Variants in TGFBR3 observed in about 807,000 individuals in gnomAD.
The protein encoded by TGFBR3 is transforming growth factor beta receptor type 3.
TGFBR3 carries 46 observed loss-of-function variants against 87.9 expected under a neutral mutation model. The observed-to-expected ratio is 0.52, with a 90% CI of 0.41 to 0.67. The LOEUF (loss-of-function observed/expected upper bound fraction) is 0.67, where lower values mean the gene tolerates loss of function less well. TGFBR3 is among the 30% of genes least tolerant of loss of function. The pLI, the probability that TGFBR3 is intolerant of heterozygous loss-of-function variation, is 0.00. For missense variants in TGFBR3, 866 were observed against 1,041.9 expected (o/e 0.83, Z 2.32); for synonymous variants, 381 against 391.6 (o/e 0.97, Z 0.32).
At chr1:91,714,400 C>G (rs1672088216) in intron 12 of TGFBR3, among the ~76,000 whole-genome samples, 1 of 152,106 alleles carries the variant, frequency 6.6e-6, no homozygotes, top group South Asian at 2.1e-4. Context: ...CATTATGTGA[C>G]CAACAGTCAC....
At chr1:91,685,040 C>T (rs1414350300) in intron 16 of TGFBR3, among the ~76,000 whole-genome samples, 2 of 152,170 alleles carry the variant, frequency 1.3e-5, no homozygotes, top group African/African-American at 2.4e-5. Context: ...CCATTACTTC[C>T]ATTCTCTTTC....
chr1:91,716,715 G>T lies in TGFBR3; in HGVS notation c.1567-7C>A. The T allele has an allele frequency of 6.2e-7, 1 of 1,614,004 alleles. No individual in the cohort carries two copies. The highest frequency in any genetic ancestry group is 8.5e-7 in the Non-Finnish European group (1 of 1,180,016). ...CTGGAACCTGTATCACAATCTAAAA[G>T]GCAAAGAAAGCACAGCCAATGTTAT... On this transcript the variant is annotated splice_polypyrimidine_tract_variant and splice_region_variant and intron_variant, in intron 10 of 16. Transcript: ENST00000212355.
intron 2 of TGFBR3, among the ~76,000 whole-genome samples, chr1:91,799,085 G>T (rs928379920): frequency 5.9e-5 from 9 of 152,112 alleles, no homozygotes; most frequent in Non-Finnish European, 1.3e-4. Context: ...AGGCCTGAAT[G>T]TACTCCAGTT....
intron 2 of TGFBR3, among the ~76,000 whole-genome samples, chr1:91,809,967 T>C (rs1030818181): frequency 1.3e-5 from 2 of 152,174 alleles, no homozygotes; most frequent in Non-Finnish European, 2.9e-5. Flanking sequence ...CATCAAGCAG[T>C]GCCATCAACA....
intron 13 of TGFBR3, among the ~76,000 whole-genome samples, chr1:91,710,474 C>A (rs960402473): frequency 6.6e-6 from 1 of 152,178 alleles, no homozygotes; most frequent in Non-Finnish European, 1.5e-5. Context: ...CTGGGCAAGA[C>A]ACTCTGCTCT....
At chr1:91,770,532 T>C (rs1674341799) in intron 3 of TGFBR3, among the ~76,000 whole-genome samples, 1 of 152,200 alleles carries the variant, frequency 6.6e-6, no homozygotes, top group African/African-American at 2.4e-5. Context: ...CTTCAATATT[T>C]ATTAGTATGA....
chr1:91,793,776 A>G (rs1409916556), intron 3 of TGFBR3, among the ~76,000 whole-genome samples: 1 of 145,160 alleles, frequency 6.9e-6, no homozygotes, highest in Non-Finnish European at 1.5e-5. Flanking sequence ...ACTGTGCTCC[A>G]GCCTGGGTGA....
chr1:91,780,106 C>T (rs1674709077), intron 3 of TGFBR3, among the ~76,000 whole-genome samples: 1 of 152,184 alleles, frequency 6.6e-6, no homozygotes. Flanking sequence ...GGATAATCCT[C>T]CATCTCACAA....
chr1:91,720,237 AAAG>A lies in TGFBR3; in HGVS notation c.1076-10_1076-8del, dbSNP rs565379527. 1.2e-3 allele frequency: 1,859 copies of A among 1,576,342 alleles called. 5 individuals carry two copies. Among genetic ancestry groups the A allele is most frequent in the Admixed American group, 2.3e-3 (123 of 54,046 alleles). On this transcript the variant is annotated splice_polypyrimidine_tract_variant and splice_region_variant and intron_variant, in intron 8 of 16. Coordinates refer to ENST00000212355, the MANE Select transcript of TGFBR3 (RefSeq NM_003243.5). ...TCATCTCCCATCTCCTCTGCTGGTG[AAAG>A]AAGAAGGCAAAACATCAGCAGTGTT...
At chr1:91,871,009 C>G (rs1282293916) in intron 1 of TGFBR3, among the ~76,000 whole-genome samples, 1 of 151,670 alleles carries the variant, frequency 6.6e-6, no homozygotes, top group Admixed American at 6.6e-5. Context: ...TGCACTCCAG[C>G]CTGGGCAACA....
At chr1:91,718,073 G>A (rs1672238667) in intron 10 of TGFBR3, among the ~76,000 whole-genome samples, 1 of 152,042 alleles carries the variant, frequency 6.6e-6, no homozygotes, top group Non-Finnish European at 1.5e-5. Context: ...TTAATTATTT[G>A]AGTAACAAAA....
At chr1:91,746,348 T>C (rs745881899) in intron 4 of TGFBR3, among the ~76,000 whole-genome samples, 53 of 152,218 alleles carry the variant, frequency 3.5e-4, no homozygotes, top group Middle Eastern at 3.2e-3. Context: ...CTTTCTAATA[T>C]AGTTTTCCAA....
At chr1:91,773,130 G>A (rs1023033563) in intron 3 of TGFBR3, among the ~76,000 whole-genome samples, 20 of 152,176 alleles carry the variant, frequency 1.3e-4, no homozygotes, top group Non-Finnish European at 2.4e-4. Context: ...TGTAATCCCA[G>A]CACTCTGGGA....
chr1:91,888,865 T>C (rs1418225703), upstream of TGFBR3, among the ~76,000 whole-genome samples: 1 of 151,986 alleles, frequency 6.6e-6, no homozygotes, highest in Non-Finnish European at 1.5e-5. Flanking sequence ...CCAGCGTGGG[T>C]ACTGAATTCT....
intron 3 of TGFBR3, among the ~76,000 whole-genome samples, chr1:91,789,306 GA>G (rs972650357): frequency 2.7e-5 from 4 of 150,130 alleles, no homozygotes; most frequent in South Asian, 2.1e-4. Context: ...GACTCGTCTC[GA>G]AAAAAAAAGG....
intron 16 of TGFBR3, among the ~76,000 whole-genome samples, chr1:91,690,360 C>T (rs1671224676): frequency 6.6e-6 from 1 of 152,114 alleles, no homozygotes; most frequent in Admixed American, 6.5e-5. Flanking sequence ...ATGATCAACA[C>T]CAGGCACATT....
At chr1:91,805,469 C>T (rs935894515) in intron 2 of TGFBR3, among the ~76,000 whole-genome samples, 3 of 152,246 alleles carry the variant, frequency 2.0e-5, no homozygotes, top group Non-Finnish European at 4.4e-5. Context: ...CAGCCCCCTT[C>T]ACCCACAAGA....
At chr1:91,722,521 A>G (rs1024860072) in intron 7 of TGFBR3, among the ~76,000 whole-genome samples, 1 of 152,056 alleles carries the variant, frequency 6.6e-6, no homozygotes, top group African/African-American at 2.4e-5. Context: ...TTAAAATGAC[A>G]TATAAAGTAT....
At chr1:91,785,393 ATGT>A (rs201351824) in intron 3 of TGFBR3, among the ~76,000 whole-genome samples, 2 of 152,346 alleles carry the variant, frequency 1.3e-5, no homozygotes, top group East Asian at 3.9e-4. Flanking sequence ...GGTGATGGAA[ATGT>A]TGTAAAATTA....
Sources: gnomAD v4.1 joint callset for allele counts (sites outside exome capture counted in the v4.1 genomes callset) on GRCh38, gnomAD v4.1.1 for gene constraint, MANE v1.5 for transcripts, NCBI Gene and HGNC (gene_info 2026-07-23, HGNC 2026-07-21) for gene names.